Variants in ANKDD1A observed in about 807,000 individuals in gnomAD.
The protein encoded by ANKDD1A is ankyrin repeat and death domain-containing protein 1A.
A neutral mutation model predicts 63.5 loss-of-function variants in ANKDD1A; 59 were observed. That is an observed-to-expected ratio of 0.93 (90% CI 0.75 to 1.15). The LOEUF is 1.15. ANKDD1A is among the 50% of genes most tolerant of loss of function. ANKDD1A has a pLI of 0.00. For missense variants in ANKDD1A, 632 were observed against 656.4 expected (o/e 0.96, Z 0.41); for synonymous variants, 266 against 263.9 (o/e 1.01, Z -0.08).
In ANKDD1A at chr15:64,957,735, C is replaced by T. The variant is rs1426196985; in HGVS notation, c.*547C>T. ...CTCAGCAGATATTTCTTTGGTACTACCATGTATTGTGTAACTTTTGGGAAA... is the reference window on the plus strand; with the variant it reads ...CTCAGCAGATATTTCTTTGGTACTATCATGTATTGTGTAACTTTTGGGAAA... On this transcript the variant is annotated 3_prime_UTR_variant, in exon 15 of 15. Coordinates refer to ENST00000319580, the MANE Select transcript of ANKDD1A (RefSeq NM_182703.6). The T allele has an allele frequency of 6.6e-6, 1 of 152,014 alleles. No individual in the cohort carries two copies. The highest frequency in any genetic ancestry group is 1.5e-5 in the Non-Finnish European group (1 of 68,040). The allele number at this position is 152,014 out of a possible 1,614,324, so 9.4% of individuals were successfully genotyped here.
chr15:64,946,068 A>G (rs780595867), intron 12 of ANKDD1A, among the ~76,000 whole-genome samples: 1 of 152,204 alleles, frequency 6.6e-6, no homozygotes, highest in Non-Finnish European at 1.5e-5. Context: ...TATTCTATTT[A>G]TACAACTAGT....
chr15:64,949,480 G>C (rs17803901), intron 13 of ANKDD1A, among the ~76,000 whole-genome samples: 2,416 of 152,296 alleles, frequency 0.016, 34 homozygotes, highest in Non-Finnish European at 0.025. Flanking sequence ...AGCAGCCAGA[G>C]AGGTGAAGTA....
At chr15:64,916,691 A>G (rs1318518330) in intron 2 of ANKDD1A, among the ~76,000 whole-genome samples, 3 of 152,242 alleles carry the variant, frequency 2.0e-5, no homozygotes, top group Non-Finnish European at 2.9e-5. Flanking sequence ...TAGTATGGGC[A>G]GAAGCCCTGA....
At position 64,921,992 on chromosome 15, in the gene ANKDD1A, A is replaced by G. The variant is rs769551689; in HGVS notation, c.339A>G (p.Ser113=). 1 of 1,613,988 alleles carries G rather than the reference A, an allele frequency of 6.2e-7. No individual in the cohort carries two copies. Among genetic ancestry groups the G allele is most frequent in the Non-Finnish European group, 8.5e-7 (1 of 1,179,992 alleles). Residue 113 remains serine (S), a synonymous_variant, in exon 4 of 15, where the codon TCA becomes TCG. Coordinates refer to ENST00000319580, the MANE Select transcript of ANKDD1A (RefSeq NM_182703.6). ...GAATCCTCCAGATCTTGGTAAACTC[A>G]GGGGCCAAGATCCACTGTGAGAGCA... is the stretch of plus-strand genomic sequence containing the variant. ...HLRILQILVN[S]GAKIHCESKD...
rs771846679 is a variant in ANKDD1A at position 64,947,608 on chromosome 15, C to T, written c.1351+15C>T. The T allele has an allele frequency of 2.5e-6, 4 of 1,612,150 alleles. No homozygotes were observed. The South Asian group carries it at 3.3e-5, about 13-fold the overall frequency. On this transcript the variant is annotated intron_variant, in intron 13 of 14. Coordinates refer to ENST00000319580, the MANE Select transcript of ANKDD1A (RefSeq NM_182703.6). ...ACAGTGGACAGGTACCACCTTGCCT[C>T]TCCTCGCCCTAAGCAACCATTGGGC...
intron 14 of ANKDD1A, among the ~76,000 whole-genome samples, chr15:64,952,573 TCTC>T (rs1384840086): frequency 3.7e-5 from 3 of 81,714 alleles, no homozygotes; most frequent in Non-Finnish European, 8.6e-5. Context: ...TCGTTCTTCT[TCTC>T]CTTCTTTTCT....
intron 9 of ANKDD1A, among the ~76,000 whole-genome samples, chr15:64,937,578 A>T (rs904767617): frequency 3.9e-5 from 6 of 152,036 alleles, no homozygotes; most frequent in Admixed American, 3.9e-4. Context: ...AGTACAAAAA[A>T]TTAGCCAGGT....
At chr15:64,940,391 G>A (rs1182073306) in intron 9 of ANKDD1A, among the ~76,000 whole-genome samples, 1 of 132,724 alleles carries the variant, frequency 7.5e-6, no homozygotes, top group Admixed American at 7.8e-5. Context: ...GGGATAGGAT[G>A]ATTGATAGAT....
chr15:64,925,063 C>G (rs2085035619), intron 4 of ANKDD1A, among the ~76,000 whole-genome samples: 1 of 151,772 alleles, frequency 6.6e-6, no homozygotes, highest in Non-Finnish European at 1.5e-5. Flanking sequence ...CCCATCTCTA[C>G]TAAAAATACA....
At chr15:64,919,128 C>T (rs1254828247) in intron 3 of ANKDD1A, among the ~76,000 whole-genome samples, 2 of 152,116 alleles carry the variant, frequency 1.3e-5, no homozygotes, top group African/African-American at 4.8e-5. Flanking sequence ...GGACTCTGGC[C>T]TGGACAGTTC....
intron 4 of ANKDD1A, among the ~76,000 whole-genome samples, chr15:64,923,227 G>A (rs1347390310): frequency 2.0e-5 from 3 of 152,160 alleles, no homozygotes; most frequent in African/African-American, 7.2e-5. Flanking sequence ...CAGGGCTGGA[G>A]TGATGTGAGC....
chr15:64,931,519 A>G lies in ANKDD1A; in HGVS notation c.702A>G (p.Gly234=), dbSNP rs149812319. Residue 234 remains glycine, a synonymous_variant, in exon 8 of 15, where the codon GGA becomes GGG. Coordinates refer to ENST00000319580, the MANE Select transcript of ANKDD1A (RefSeq NM_182703.6). ...EGLTALHSAA[G]GSHPDCVQLL... ...TGACTGCCCTGCATTCGGCTGCTGGAGGATCCCACCCTGACTGTGTGCAGC... is the reference window on the plus strand; with the variant it reads ...TGACTGCCCTGCATTCGGCTGCTGGGGGATCCCACCCTGACTGTGTGCAGC... 466 of 1,614,056 alleles carry G rather than the reference A, an allele frequency of 2.9e-4. No individual in the cohort carries two copies. The highest frequency in any genetic ancestry group is 3.6e-4 in the Non-Finnish European group (426 of 1,180,010).
rs1240906139 is a variant in ANKDD1A, at chr15:64,954,242, CTTAG to C, written c.1484-2858_1484-2855del. On this transcript the variant is annotated intron_variant, in intron 14 of 14. Transcript: ENST00000319580. ...TCTTCTTCTTCCTCTCCTTCGTCTT[CTTAG>C]TTCTTTCTTCTTCTCCTTCTTTTCC... 3.4e-5 allele frequency among the ~76,000 whole-genome samples: 5 copies of C among 146,326 alleles called. No homozygotes were observed. The East Asian group carries it at 1.0e-3, about 29-fold the overall frequency.
In ANKDD1A at chr15:64,936,697, G is replaced by A. The variant is rs570454385; in HGVS notation, c.867+2463G>A. Among the ~76,000 whole-genome samples, 129 of 152,078 alleles carry A rather than the reference G, an allele frequency of 8.5e-4. 1 individual carries two copies. The highest frequency in any genetic ancestry group is 2.8e-3 in the African/African-American group (117 of 41,492). On this transcript the variant is annotated intron_variant, in intron 9 of 14. Coordinates refer to ENST00000319580, the MANE Select transcript of ANKDD1A (RefSeq NM_182703.6). ...TCTACAAAAAATTTAAAAATCAGCC[G>A]GGTATGGTGGTGGGTACCTGCCTGT... is the stretch of plus-strand genomic sequence containing the variant.
chr15:64,952,048 T>G (rs1303826943), intron 14 of ANKDD1A, among the ~76,000 whole-genome samples: 3 of 146,104 alleles, frequency 2.1e-5, no homozygotes, highest in Non-Finnish European at 4.5e-5. Context: ...TCCTCTTCTT[T>G]CTTCTTCTTA....
At chr15:64,929,385 G>C (rs755619833) in intron 6 of ANKDD1A, among the ~76,000 whole-genome samples, 1 of 152,080 alleles carries the variant, frequency 6.6e-6, no homozygotes, top group Non-Finnish European at 1.5e-5. Context: ...TATTGCCCAG[G>C]CTGGAATTCC....
chr15:64,952,648 T>TCTTCTTCCTTCTCCTC (rs587634921), intron 14 of ANKDD1A, among the ~76,000 whole-genome samples: 78 of 141,884 alleles, frequency 5.5e-4, no homozygotes, highest in African/African-American at 2.0e-3. Context: ...TTCTTCTCCT[T>TCTTCTTCCTTCTCCTC]CTCCTTCTTC....
In ANKDD1A at chr15:64,947,610, C is replaced by T; in HGVS notation, c.1351+17C>T. ...AGTGGACAGGTACCACCTTGCCTCT[C>T]CTCGCCCTAAGCAACCATTGGGCGG... On this transcript the variant is annotated intron_variant, in intron 13 of 14. Transcript: ENST00000319580. 1 of 1,611,912 alleles carries T rather than the reference C, an allele frequency of 6.2e-7. No homozygotes were observed. The highest frequency in any genetic ancestry group is 8.5e-7 in the Non-Finnish European group (1 of 1,178,968).
intron 2 of ANKDD1A, among the ~76,000 whole-genome samples, chr15:64,916,840 G>A (rs1224285522): frequency 1.3e-5 from 2 of 152,210 alleles, no homozygotes; most frequent in Non-Finnish European, 2.9e-5. Context: ...CCACAGGCCA[G>A]CTTCCCTCAG....
Sources: allele counts gnomAD v4.1 joint callset (sites outside exome capture counted in the v4.1 genomes callset), GRCh38; gene constraint gnomAD v4.1.1; transcripts MANE v1.5; gene names NCBI Gene and HGNC (gene_info 2026-07-23, HGNC 2026-07-21).